SLC25A21: variants seen among roughly 807,000 people sequenced by gnomAD.
SLC25A21 encodes the protein solute carrier family 25 member 21, also known as mitochondrial 2-oxodicarboxylate carrier.
In SLC25A21, 47 loss-of-function variants were observed where a neutral mutation model predicts 43.8. The observed-to-expected ratio is 1.07, with a 90% CI of 0.85 to 1.37. The LOEUF (loss-of-function observed/expected upper bound fraction) is 1.37, where lower values mean the gene tolerates loss of function less well. Among genes scored for constraint, SLC25A21 ranks in the 40% most tolerant of loss-of-function variants. The pLI, the probability that SLC25A21 is intolerant of heterozygous loss-of-function variation, is 0.00. For missense variants in SLC25A21, 352 were observed against 350.2 expected (o/e 1.00, Z -0.04); for synonymous variants, 131 against 121.3 (o/e 1.08, Z -0.52).
chr14:36,875,511 T>A (rs1340591783), intron 1 of SLC25A21, among the ~76,000 whole-genome samples: 4 of 152,176 alleles, frequency 2.6e-5, no homozygotes, highest in African/African-American at 7.2e-5. Context: ...ACAATACATA[T>A]CAATACATTA....
intron 1 of SLC25A21, among the ~76,000 whole-genome samples, chr14:36,995,385 T>C (rs1031338124): frequency 6.6e-6 from 1 of 152,198 alleles, no homozygotes; most frequent in African/African-American, 2.4e-5. Context: ...TTTCTGTTTT[T>C]TATAATAGTA....
intron 7 of SLC25A21, among the ~76,000 whole-genome samples, chr14:36,705,197 T>C (rs1883462843): frequency 6.8e-6 from 1 of 146,750 alleles, no homozygotes; most frequent in Non-Finnish European, 1.5e-5. Flanking sequence ...CCCGCCACCA[T>C]GCCTGGTTAA....
chr14:37,078,986 A>G (rs1962335444), intron 1 of SLC25A21, among the ~76,000 whole-genome samples: 2 of 152,208 alleles, frequency 1.3e-5, no homozygotes, highest in Admixed American at 6.5e-5. Context: ...GAAAGAAAGG[A>G]AAACCCCAGG....
intron 2 of SLC25A21, among the ~76,000 whole-genome samples, chr14:36,832,686 G>T (rs1163943623): frequency 6.6e-6 from 1 of 152,134 alleles, no homozygotes; most frequent in Non-Finnish European, 1.5e-5. Context: ...GTACTCAAAA[G>T]AATCTACTTT....
chr14:36,950,288 T>C (rs1892776400), intron 1 of SLC25A21, among the ~76,000 whole-genome samples: 1 of 152,182 alleles, frequency 6.6e-6, no homozygotes, highest in Non-Finnish European at 1.5e-5. Context: ...AATTCATAGG[T>C]TAAAATCCTA....
rs138008139 is a variant in SLC25A21 at position 37,049,221 on chromosome 14, G to A, written c.70+123060C>T. ...AATACATAGTAAATGAATGAATCACGTCAGTAAGTTTCACCAAAAACATAA... is the reference window on the plus strand; with the variant it reads ...AATACATAGTAAATGAATGAATCACATCAGTAAGTTTCACCAAAAACATAA... On this transcript the variant is annotated intron_variant, in intron 1 of 9. Coordinates refer to ENST00000331299, the MANE Select transcript of SLC25A21 (RefSeq NM_030631.4). Among the ~76,000 whole-genome samples the A allele has an allele frequency of 2.8e-3, 425 of 152,184 alleles. 1 individual carries two copies. The highest frequency in any genetic ancestry group is 4.9e-3 in the Non-Finnish European group (333 of 68,006).
At chr14:36,884,842 T>C (rs1890867710) in intron 1 of SLC25A21, among the ~76,000 whole-genome samples, 1 of 152,176 alleles carries the variant, frequency 6.6e-6, no homozygotes, top group Non-Finnish European at 1.5e-5. Context: ...CTTCCTATTA[T>C]TTGAGTTCCT....
intron 7 of SLC25A21, among the ~76,000 whole-genome samples, chr14:36,707,267 T>G (rs997420431): frequency 8.5e-5 from 13 of 152,212 alleles, no homozygotes; most frequent in African/African-American, 2.7e-4. Flanking sequence ...AATTTCTCCT[T>G]TACGCTCCTA....
At chr14:37,061,590 C>T (rs1961949253) in intron 1 of SLC25A21, among the ~76,000 whole-genome samples, 1 of 150,748 alleles carries the variant, frequency 6.6e-6, no homozygotes, top group African/African-American at 2.4e-5. Context: ...CAATGAGGAA[C>T]AAAATAATAG....
chr14:37,126,011 T>A (rs1017902833), intron 1 of SLC25A21, among the ~76,000 whole-genome samples: 1 of 152,204 alleles, frequency 6.6e-6, no homozygotes, highest in African/African-American at 2.4e-5. Flanking sequence ...AAAGATGTGG[T>A]CCCAAAGTCT....
chr14:36,926,941 G>A (rs896115990), intron 1 of SLC25A21, among the ~76,000 whole-genome samples: 13 of 152,170 alleles, frequency 8.5e-5, no homozygotes, highest in East Asian at 5.8e-4. Flanking sequence ...AGGCTGAGAC[G>A]GGCAGATCAC....
intron 1 of SLC25A21, among the ~76,000 whole-genome samples, chr14:37,009,946 A>T (rs1960694218): frequency 6.6e-6 from 1 of 152,224 alleles, no homozygotes; most frequent in South Asian, 2.1e-4. Context: ...CTAGAGCTCA[A>T]ATAATTGTCT....
chr14:37,083,018 G>A (rs1038449030), intron 1 of SLC25A21, among the ~76,000 whole-genome samples: 18 of 152,130 alleles, frequency 1.2e-4, no homozygotes, highest in African/African-American at 1.9e-4. Context: ...ACCAGGAAAC[G>A]CTCAACTGTA....
intron 1 of SLC25A21, among the ~76,000 whole-genome samples, chr14:37,128,538 C>CTCTCTCTG (rs1555348857): frequency 9.8e-5 from 12 of 122,796 alleles, no homozygotes; most frequent in Non-Finnish European, 2.0e-4. Flanking sequence ...CTCTCTCTCT[C>CTCTCTCTG]TGTGTGTGTG....
intron 1 of SLC25A21, among the ~76,000 whole-genome samples, chr14:37,108,433 C>T (rs548673543): frequency 9.2e-5 from 14 of 152,122 alleles, no homozygotes; most frequent in Non-Finnish European, 2.1e-4. Context: ...GAAAAGGAAG[C>T]TTTGCTAATT....
intron 1 of SLC25A21, among the ~76,000 whole-genome samples, chr14:37,091,191 T>C (rs564985663): frequency 6.6e-6 from 1 of 152,108 alleles, no homozygotes. Flanking sequence ...TCCCAGCACT[T>C]TGGGAGGTCG....
chr14:36,739,551 G>C (rs890612074), intron 3 of SLC25A21, among the ~76,000 whole-genome samples: 2 of 151,992 alleles, frequency 1.3e-5, no homozygotes, highest in African/African-American at 4.8e-5. Flanking sequence ...GGTGGTGCAC[G>C]CATGTAGTCC....
intron 1 of SLC25A21, among the ~76,000 whole-genome samples, chr14:36,920,753 C>A (rs977809616): frequency 6.6e-6 from 1 of 152,040 alleles, no homozygotes. Flanking sequence ...CTAAAAAACT[C>A]TTTAAAGGAA....
intron 1 of SLC25A21, among the ~76,000 whole-genome samples, chr14:37,136,827 C>T (rs1963488716): frequency 6.6e-6 from 1 of 152,018 alleles, no homozygotes; most frequent in Non-Finnish European, 1.5e-5. Flanking sequence ...TTGTATCATT[C>T]CAACTGTAAG....
Sources: gnomAD v4.1 joint callset for allele counts (sites outside exome capture counted in the v4.1 genomes callset) on GRCh38, gnomAD v4.1.1 for gene constraint, MANE v1.5 for transcripts, NCBI Gene and HGNC (gene_info 2026-07-23, HGNC 2026-07-21) for gene names.